Variants in IL21R observed in about 807,000 individuals in gnomAD.
IL21R encodes interleukin-21 receptor.
A neutral mutation model predicts 41.3 loss-of-function variants in IL21R; 14 were observed. That is an observed-to-expected ratio of 0.34 (90% CI 0.22 to 0.53). The LOEUF is 0.53. Ranked by LOEUF, IL21R falls within the 20% of genes least tolerant of loss-of-function variation. The pLI is 0.94. For missense variants in IL21R, 588 were observed against 681.6 expected, an observed-to-expected ratio of 0.86 and a Z score of 1.53; for synonymous variants, 286 against 287.6, an observed-to-expected ratio of 0.99 and a Z score of 0.05.
intron 2 of IL21R, among the ~76,000 whole-genome samples, chr16:27,430,390 G>C (rs376669378): frequency 6.6e-6 from 1 of 152,214 alleles, no homozygotes; most frequent in Non-Finnish European, 1.5e-5. Flanking sequence ...GTCACTGGGG[G>C]GATGAAAGGC....
At chr16:27,433,941 G>A (rs1453337247) in intron 2 of IL21R, among the ~76,000 whole-genome samples, 1 of 152,118 alleles carries the variant, frequency 6.6e-6, no homozygotes, top group Admixed American at 6.5e-5. Flanking sequence ...GACCCTCTTG[G>A]GGTGTGTGCG....
chr16:27,447,970 C>T (rs1406259566), intron 8 of IL21R: 1 of 153,184 alleles, frequency 6.5e-6, no homozygotes, highest in Admixed American at 6.5e-5. Flanking sequence ...GGTAGCAACT[C>T]CCTTCTACAA....
chr16:27,408,864 C>T (rs945480984), intron 1 of IL21R, among the ~76,000 whole-genome samples: 1 of 152,162 alleles, frequency 6.6e-6, no homozygotes, highest in African/African-American at 2.4e-5. Flanking sequence ...CATCCCATTC[C>T]TCAATCGTGT....
chr16:27,436,550 C>G (rs1166873470), intron 3 of IL21R, among the ~76,000 whole-genome samples: 1 of 152,176 alleles, frequency 6.6e-6, no homozygotes, highest in Non-Finnish European at 1.5e-5. Context: ...CCTACTGGGC[C>G]TAGAGAGTGG....
chr16:27,408,030 T>C (rs969986395), intron 1 of IL21R, among the ~76,000 whole-genome samples: 3 of 152,238 alleles, frequency 2.0e-5, no homozygotes, highest in African/African-American at 7.2e-5. Flanking sequence ...TAGTCACTCA[T>C]GTAGCAAATG....
At chr16:27,438,950 G>A (rs1340343242) in intron 4 of IL21R, among the ~76,000 whole-genome samples, 2 of 152,064 alleles carry the variant, frequency 1.3e-5, no homozygotes, top group African/African-American at 4.8e-5. Flanking sequence ...GTGTGTGTGT[G>A]TGTGTATGTG....
At chr16:27,447,938 T>A (rs1407666921) in intron 8 of IL21R, 2 of 152,454 alleles carry the variant, frequency 1.3e-5, no homozygotes, top group African/African-American at 2.4e-5. Flanking sequence ...CCACCAGTTG[T>A]CTGACTGGTC....
intron 3 of IL21R, among the ~76,000 whole-genome samples, 183 bp downstream of exon 3, chr16:27,434,632 C>T (rs1727779292): frequency 6.6e-6 from 1 of 152,180 alleles, no homozygotes; most frequent in South Asian, 2.1e-4. Flanking sequence ...CTTCAAAGGC[C>T]ACTCTCTCAC....
chr16:27,439,603 TCA>T (rs1352039826), intron 4 of IL21R, among the ~76,000 whole-genome samples: 1 of 147,652 alleles, frequency 6.8e-6, no homozygotes, highest in Non-Finnish European at 1.5e-5. Context: ...ACATGCATTC[TCA>T]CACACGTGTA....
At chr16:27,429,089 T>C (rs944169942) in intron 1 of IL21R, among the ~76,000 whole-genome samples, 4 of 152,102 alleles carry the variant, frequency 2.6e-5, no homozygotes, top group African/African-American at 9.7e-5. Flanking sequence ...CCAGGCGTGG[T>C]GGCGGCCACC....
rs148851265 is a variant in IL21R, at chr16:27,433,735, G to A, written c.50-612G>A. ...CTTGGTGGCGGTGGCATTTTTGGCCGCAGGATCACGCAGACCTTTATGCAA... is the reference window on the plus strand; with the variant it reads ...CTTGGTGGCGGTGGCATTTTTGGCCACAGGATCACGCAGACCTTTATGCAA... On this transcript the variant is annotated intron_variant, in intron 2 of 8. Transcript: ENST00000337929. Among the ~76,000 whole-genome samples, 607 of 152,250 alleles carry A rather than the reference G, an allele frequency of 4.0e-3. 2 individuals are homozygous for A. Among genetic ancestry groups the A allele is most frequent in the Admixed American group, 6.5e-3 (100 of 15,294 alleles).
intron 1 of IL21R, among the ~76,000 whole-genome samples, chr16:27,410,653 A>G (rs1194257603): frequency 6.6e-6 from 1 of 152,196 alleles, no homozygotes; most frequent in Non-Finnish European, 1.5e-5. Flanking sequence ...TGCAAAGTAT[A>G]GTGTCCCGGG....
intron 1 of IL21R, chr16:27,427,326 C>A: frequency 1.0e-6 from 1 of 985,486 alleles, no homozygotes; most frequent in Non-Finnish European, 1.2e-6. Flanking sequence ...GCAGGTACCC[C>A]CTCCACATCC....
At chr16:27,426,230 C>A (rs1297603217) in intron 1 of IL21R, among the ~76,000 whole-genome samples, 2 of 152,224 alleles carry the variant, frequency 1.3e-5, no homozygotes, top group Admixed American at 6.5e-5. Context: ...CTGAGACCAG[C>A]CAGCTCCATA....
chr16:27,411,788 T>C (rs2086828301), intron 1 of IL21R, among the ~76,000 whole-genome samples: 1 of 152,070 alleles, frequency 6.6e-6, no homozygotes, highest in African/African-American at 2.4e-5. Flanking sequence ...TTATTTGTTT[T>C]TGTGTTGTTA....
intron 2 of IL21R, 21 bp downstream of exon 2, chr16:27,430,141 C>CTGCG: frequency 6.3e-7 from 1 of 1,599,400 alleles, no homozygotes; most frequent in Non-Finnish European, 8.5e-7. Context: ...GCCCCGTGGT[C>CTGCG]TGCGGGTGGG....
intron 3 of IL21R, 51 bp from the exon 4 acceptor site, chr16:27,437,437 A>G (rs747638754): frequency 1.4e-6 from 2 of 1,479,924 alleles, no homozygotes; most frequent in African/African-American, 2.8e-5. Flanking sequence ...GCCCACCACC[A>G]TCCCCCCTGC....
chr16:27,443,950 A>G (rs1332792744), intron 5 of IL21R: 1 of 152,036 alleles, frequency 6.6e-6, no homozygotes, highest in Non-Finnish European at 1.5e-5. Context: ...GAGTTCTAGA[A>G]TTGCCCATCC....
chr16:27,402,970 C>T (rs1047282070), intron 1 of IL21R: 9 of 353,766 alleles, frequency 2.5e-5, no homozygotes, highest in Middle Eastern at 5.2e-4. Flanking sequence ...CGGGAGGTGA[C>T]GGGCATGGGT....
Sources: allele counts gnomAD v4.1 joint callset (sites outside exome capture counted in the v4.1 genomes callset), GRCh38; gene constraint gnomAD v4.1.1; transcripts MANE v1.5; gene names NCBI Gene and HGNC (gene_info 2026-07-23, HGNC 2026-07-21).